The following NEB variants were observed in gnomAD, a reference collection of about 807,000 sequenced individuals.
NEB encodes the protein nemaline myopathy type 2.
NEB carries 512 observed loss-of-function variants against 952.2 expected under a neutral mutation model. The observed-to-expected ratio is 0.54, with a 90% CI of 0.50 to 0.58. The LOEUF (loss-of-function observed/expected upper bound fraction) is 0.58, where lower values mean the gene tolerates loss of function less well. Ranked by LOEUF, NEB falls within the 20% of genes least tolerant of loss-of-function variation. NEB has a pLI of 0.00. For synonymous variants in NEB, 2,900 were observed against 3,149.8 expected, an observed-to-expected ratio of 0.92 and a Z score of 2.66; for missense variants, 8,428 against 9,231.1, an observed-to-expected ratio of 0.91 and a Z score of 3.56.
rs1379418184 is a variant in NEB, at chr2:151,697,349, C to T, written c.1365+1G>A. ...AGTCAAACAATTGTCTTAGAACTTA[C>T]ATCACTGTTTTGAGCTGTGACTTTC... On this transcript the variant is annotated splice_donor_variant, in intron 15 of 181. Transcript: ENST00000397345. LOFTEE classifies it high-confidence loss of function. 6.2e-7 allele frequency: 1 copy of T among 1,613,364 alleles called. No homozygotes were observed. Among genetic ancestry groups the T allele is most frequent in the Non-Finnish European group, 8.5e-7 (1 of 1,179,308 alleles).
At chr2:151,675,850 TC>T (rs2099355388) in intron 34 of NEB, among the ~76,000 whole-genome samples, 1 of 152,206 alleles carries the variant, frequency 6.6e-6, no homozygotes, top group Non-Finnish European at 1.5e-5. Flanking sequence ...AATAATTTCC[TC>T]ATAATGTAGA....
intron 60 of NEB, among the ~76,000 whole-genome samples, chr2:151,641,692 A>T (rs2098851185): frequency 1.3e-5 from 2 of 152,096 alleles, no homozygotes; most frequent in Non-Finnish European, 2.9e-5. Context: ...CCCTTCTGTG[A>T]TTGTCATTTA....
At chr2:151,721,636 A>C (rs77278257) in intron 9 of NEB, among the ~76,000 whole-genome samples, 3,129 of 152,172 alleles carry the variant, frequency 0.021, 42 homozygotes, top group Middle Eastern at 0.031. Context: ...CTTTTATTTT[A>C]TCAGCCTGAT....
rs1472532822 is a variant in NEB at position 151,563,838 on chromosome 2, A to T, written c.18564T>A (p.Asp6188Glu). 3 of 1,613,490 alleles carry T rather than the reference A, an allele frequency of 1.9e-6. No individual in the cohort carries two copies. Among genetic ancestry groups the T allele is most frequent in the Non-Finnish European group, 2.5e-6 (3 of 1,179,648 alleles). The part of the protein sequence containing the change: ...YIPIVGAKHA[D>E]LVNSELKYKE... The stretch of plus-strand genomic sequence containing the variant: ...TCATACTGACCTCACTGTTCACCAG[A>T]TCAGCATGCTTGGCTCCAACAATGG... Residue 6188 changes from aspartate to glutamate, a missense_variant, in exon 118 of 182, where the codon GAT (aspartate) becomes GAA (glutamate). Physicochemically the swap from Asp to Glu is conservative, Grantham distance 45. Around this residue, in one of 11 missense-constraint regions of NEB, gnomAD observed 3,374 missense variants for 3,651.5 expected, o/e 0.92. Coordinates refer to ENST00000397345, the MANE Select transcript of NEB (RefSeq NM_001164508.2).
chr2:151,723,183 G>GAT (rs2150646962), intron 9 of NEB, among the ~76,000 whole-genome samples, 199 bp downstream of exon 9: 1 of 152,244 alleles, frequency 6.6e-6, no homozygotes, highest in South Asian at 2.1e-4. Context: ...AACTGGACAA[G>GAT]ATTATATTTA....
chr2:151,520,831 T>C (rs2081439078), intron 153 of NEB, among the ~76,000 whole-genome samples: 1 of 152,078 alleles, frequency 6.6e-6, no homozygotes, highest in African/African-American at 2.4e-5. Flanking sequence ...ACCACTGCAC[T>C]CCATCGTGGG....
At chr2:151,669,766 G>T (rs2099263431) in intron 38 of NEB, among the ~76,000 whole-genome samples, 1 of 152,164 alleles carries the variant, frequency 6.6e-6, no homozygotes, top group African/African-American at 2.4e-5. Context: ...ATTCCTAAGA[G>T]GTTTTACACA....
At chr2:151,693,767 C>T (rs2099575770) in intron 20 of NEB, among the ~76,000 whole-genome samples, 1 of 151,672 alleles carries the variant, frequency 6.6e-6, no homozygotes, top group Admixed American at 6.6e-5. Flanking sequence ...GGGTATATGC[C>T]CAGTAATGGG....
rs2099580696 is a variant in NEB, at chr2:151,694,408, T to C, written c.1811A>G (p.Asn604Ser). 1.2e-6 allele frequency: 2 copies of C among 1,613,916 alleles called. No homozygotes were observed. Among genetic ancestry groups the C allele is most frequent in the Non-Finnish European group, 8.5e-7 (1 of 1,179,852 alleles). ...DVMYKKDYEK[N>S]KGKMIGVLSI... ...GAGGACTCCAATCATTTTCCCTTTG[T>C]TTTTTTCATAGTCTTTCTTGTACAT... The change falls in exon 20 of 182, where the codon AAC (asparagine) becomes AGC (serine). Residue 604 changes from asparagine to serine, a missense_variant. Asn to Ser is a conservative substitution (Grantham distance 46, BLOSUM62 1). Around this residue, in one of 11 missense-constraint regions of NEB, gnomAD observed 2,851 missense variants for 2,791.5 expected, o/e 1.02. Coordinates refer to ENST00000397345, the MANE Select transcript of NEB (RefSeq NM_001164508.2).
chr2:151,702,346 G>A (rs28762756), intron 13 of NEB, among the ~76,000 whole-genome samples: 5 of 152,144 alleles, frequency 3.3e-5, no homozygotes, highest in African/African-American at 9.7e-5. Flanking sequence ...TATTCTGTTG[G>A]TTTGGGGTGG....
Position 151,643,206 on chromosome 2 carries a change from G to A in NEB, c.8104C>T (p.Leu2702Phe), listed in dbSNP as rs372248515. The change falls in exon 58 of 182, where the codon CTT (leucine) becomes TTT (phenylalanine). Residue 2702 changes from leucine (L) to phenylalanine (F), a missense_variant. By Grantham distance (22) the Leu-to-Phe change is conservative. Coordinates refer to ENST00000397345, the MANE Select transcript of NEB (RefSeq NM_001164508.2). Reference sequence around the variant, plus strand: ...AAAACCATTGGTATGGAATCCATAAGGCTGGAAAACTTAAATTGATCTGGG... The same window carrying A: ...AAAACCATTGGTATGGAATCCATAAAGCTGGAAAACTTAAATTGATCTGGG... ...QHPDQFKFSS[L>F]MDSIPMVLAK... 4.3e-6 allele frequency: 7 copies of A among 1,613,722 alleles called. No homozygotes were observed. The African/African-American group carries it at 5.3e-5, about 12-fold the overall frequency.
chr2:151,635,707 C>CA (rs1292764660), intron 64 of NEB, among the ~76,000 whole-genome samples: 36,828 of 85,766 alleles, frequency 0.43, 6,307 homozygotes, highest in East Asian at 0.54. Flanking sequence ...ACTCTGTCTC[C>CA]AAAAAAAAAA....
At chr2:151,517,554 G>C (rs944249443) in intron 156 of NEB, among the ~76,000 whole-genome samples, 3 of 152,110 alleles carry the variant, frequency 2.0e-5, no homozygotes, top group Non-Finnish European at 4.4e-5. Context: ...TATGAGAAAG[G>C]CTTTGTTATG....
chr2:151,560,941 T>A (rs2095999868), intron 123 of NEB, 63 bp downstream of exon 123: 2 of 1,025,426 alleles, frequency 2.0e-6, no homozygotes, highest in South Asian at 3.1e-5. Context: ...CCATTTATTC[T>A]CTTACTGTCC....
chr2:151,694,774 T>A, intron 18 of NEB, 145 bp from the exon 19 acceptor site: 1 of 689,476 alleles, frequency 1.5e-6, no homozygotes. Context: ...ATATTTTAAA[T>A]ATTTCTTCTC....
chr2:151,519,520 G>A (rs564400584), intron 154 of NEB, 138 bp downstream of exon 154: 1 of 681,024 alleles, frequency 1.5e-6, no homozygotes, highest in South Asian at 2.0e-5. Context: ...GTTTCTGTTG[G>A]TATGAAAACA....
At chr2:151,711,400 A>G (rs1013253560) in intron 10 of NEB, among the ~76,000 whole-genome samples, 1 of 152,210 alleles carries the variant, frequency 6.6e-6, no homozygotes, top group Non-Finnish European at 1.5e-5. Flanking sequence ...AGGCACTGGC[A>G]TATGCCTACA....
At chr2:151,622,341 T>C (rs1367224167) in intron 71 of NEB, among the ~76,000 whole-genome samples, 3 of 152,248 alleles carry the variant, frequency 2.0e-5, no homozygotes, top group African/African-American at 7.2e-5. Context: ...TAGTAACTAC[T>C]AGGATGAATA....
chr2:151,701,990 C>T (rs1228850807), intron 13 of NEB, among the ~76,000 whole-genome samples: 1 of 148,084 alleles, frequency 6.8e-6, no homozygotes, highest in African/African-American at 2.5e-5. Context: ...CCTGCTTTCT[C>T]TTGTGGGCAT....
Sources: allele counts gnomAD v4.1 joint callset (sites outside exome capture counted in the v4.1 genomes callset), GRCh38; gene constraint gnomAD v4.1.1; regional missense constraint gnomAD v4.1.1; transcripts MANE v1.5; gene names NCBI Gene and HGNC (gene_info 2026-07-23, HGNC 2026-07-21).